Variants in APOO observed in about 807,000 individuals in gnomAD.
APOO encodes apolipoprotein O.
Under a neutral mutation model 23.1 loss-of-function variants are expected in APOO, and 11 were observed. The ratio of observed to expected loss-of-function variants is 0.48; its 90% CI spans 0.30 to 0.79. The LOEUF (loss-of-function observed/expected upper bound fraction) is 0.79, where lower values mean the gene tolerates loss of function less well. APOO is among the 30% of genes least tolerant of loss of function. The pLI is 0.07. For missense variants in APOO, 160 were observed against 142.7 expected (o/e 1.12, Z -0.62); for synonymous variants, 59 against 54.8 (o/e 1.08, Z -0.34).
chrX:23,905,128 C>T (rs1367663649), intron 1 of APOO, among the ~76,000 whole-genome samples: 1 of 109,960 alleles, frequency 9.1e-6, no homozygotes, highest in Non-Finnish European at 1.9e-5. Context: ...GTGGGTCACA[C>T]CTGTAATCCC....
At chrX:23,862,401 G>C (rs893229556) in intron 5 of APOO, among the ~76,000 whole-genome samples, 1 of 111,294 alleles carries the variant, frequency 9.0e-6, no homozygotes, top group Non-Finnish European at 1.9e-5. Flanking sequence ...AAATATAAGA[G>C]ACACATAGGG....
At chrX:23,860,902 G>A (rs1334931093) in intron 5 of APOO, among the ~76,000 whole-genome samples, 3 of 109,399 alleles carry the variant, frequency 2.7e-5, no homozygotes, top group African/African-American at 9.9e-5. Context: ...CACTTTGGGA[G>A]GCTGAGGTGG....
At chrX:23,865,480 T>C (rs1253970057) in intron 5 of APOO, among the ~76,000 whole-genome samples, 1 of 109,806 alleles carries the variant, frequency 9.1e-6, no homozygotes. Flanking sequence ...GGTGCACGCC[T>C]GTAGTCCCAG....
At chrX:23,866,266 T>C (rs919358804) in intron 5 of APOO, among the ~76,000 whole-genome samples, 2 of 112,094 alleles carry the variant, frequency 1.8e-5, no homozygotes, top group Non-Finnish European at 3.8e-5. Context: ...TAAGACCGAA[T>C]GCTCTTCTGA....
rs780719746 is a variant in APOO, at chrX:23,904,093, G to A, written c.9+3601C>T. On this transcript the variant is annotated intron_variant, in intron 1 of 8. Coordinates refer to ENST00000379226, the MANE Select transcript of APOO (RefSeq NM_024122.5). ...CCAAAGTGCCCAAATCAGTGAACAC[G>A]ACTCATGATATGTAACTAACTCATA... Among the ~76,000 whole-genome samples, 5 of 111,423 alleles carry A rather than the reference G, an allele frequency of 4.5e-5. No homozygotes were observed. In the East Asian group the frequency reaches 8.5e-4, roughly 19 times the overall value.
intron 5 of APOO, among the ~76,000 whole-genome samples, chrX:23,859,578 G>C (rs1924927004): frequency 9.0e-6 from 1 of 110,690 alleles, no homozygotes; most frequent in Non-Finnish European, 1.9e-5. Context: ...CGAGTAGCTG[G>C]GGTTACAGGC....
At chrX:23,879,174 G>A in intron 2 of APOO, 140 bp from the exon 3 acceptor site, 2 of 762,353 alleles carry the variant, frequency 2.6e-6, no homozygotes, top group East Asian at 3.9e-5. Context: ...GGTGGTTCAC[G>A]CTTGTAATCC....
chrX:23,904,789 A>G (rs1927283395), intron 1 of APOO, among the ~76,000 whole-genome samples: 1 of 111,162 alleles, frequency 9.0e-6, no homozygotes, highest in African/African-American at 3.3e-5. Context: ...TACAGGCGTG[A>G]GCCACCGTGC....
At chrX:23,860,166 G>A (rs1601900765) in intron 5 of APOO, among the ~76,000 whole-genome samples, 1 of 111,088 alleles carries the variant, frequency 9.0e-6, no homozygotes, top group African/African-American at 3.3e-5. Context: ...CAGCCTCAGA[G>A]GGAGCAGATC....
intron 8 of APOO, among the ~76,000 whole-genome samples, chrX:23,836,322 CTTTTTTT>C (rs1249468181): frequency 2.5e-4 from 26 of 105,934 alleles, no homozygotes; most frequent in African/African-American, 8.5e-4. Flanking sequence ...TTTCTTTTTT[CTTTTTTT>C]TTTGAGACAG....
chrX:23,894,333 C>T (rs1291188965), intron 1 of APOO, among the ~76,000 whole-genome samples: 4 of 108,206 alleles, frequency 3.7e-5, no homozygotes, highest in Non-Finnish European at 1.9e-5. Context: ...TTAGTAGAGA[C>T]GGGGTTTTGC....
At chrX:23,870,408 G>A (rs1012303120) in intron 4 of APOO, among the ~76,000 whole-genome samples, 1 of 111,815 alleles carries the variant, frequency 8.9e-6, no homozygotes, top group African/African-American at 3.2e-5. Flanking sequence ...CAAGGAGAAT[G>A]TAAGCTCCTT....
At chrX:23,881,339 T>C (rs1184546102) in intron 1 of APOO, among the ~76,000 whole-genome samples, 1 of 108,758 alleles carries the variant, frequency 9.2e-6, no homozygotes, top group Admixed American at 1.0e-4. Context: ...CCTCCCAAAG[T>C]GCTGAGATTA....
At chrX:23,880,988 T>C in intron 1 of APOO, 36 bp from the exon 2 acceptor site, 1 of 1,001,489 alleles carries the variant, frequency 1.0e-6, no homozygotes, top group African/African-American at 1.9e-5. Flanking sequence ...CTCTCTATGT[T>C]ACAGACCGAA....
At chrX:23,879,067 A>G (rs1429556122) in intron 2 of APOO, 33 bp from the exon 3 acceptor site, 1 of 1,193,790 alleles carries the variant, frequency 8.4e-7, no homozygotes, top group East Asian at 3.0e-5. Flanking sequence ...AAGATTTAAA[A>G]GATGTACTGT....
chrX:23,865,500 A>G (rs1925294556), intron 5 of APOO, among the ~76,000 whole-genome samples: 1 of 109,451 alleles, frequency 9.1e-6, no homozygotes, highest in Admixed American at 9.8e-5. Flanking sequence ...GCTACTCGGG[A>G]GGCTGAGGCA....
intron 8 of APOO, among the ~76,000 whole-genome samples, chrX:23,838,357 C>CAAAAAA (rs764414297): frequency 1.0e-3 from 20 of 20,055 alleles, no homozygotes; most frequent in African/African-American, 6.8e-3. Flanking sequence ...AACTCTATCT[C>CAAAAAA]AAAAAAAAAA....
intron 1 of APOO, among the ~76,000 whole-genome samples, chrX:23,894,137 AATTT>A (rs1028982804): frequency 9.1e-5 from 10 of 109,938 alleles, no homozygotes; most frequent in African/African-American, 3.0e-4. Flanking sequence ...TATTTTTTAA[AATTT>A]ATTTTATTAT....
chrX:23,834,593 C>T (rs975820798), intron 8 of APOO, among the ~76,000 whole-genome samples: 2 of 110,740 alleles, frequency 1.8e-5, no homozygotes, highest in African/African-American at 6.6e-5. Context: ...TGCTGGAAAG[C>T]ATGATTACAT....
Sources: gnomAD v4.1 joint callset for allele counts (sites outside exome capture counted in the v4.1 genomes callset) on GRCh38, gnomAD v4.1.1 for gene constraint, MANE v1.5 for transcripts, NCBI Gene and HGNC (gene_info 2026-07-23, HGNC 2026-07-21) for gene names.